VPS13B: variants seen among roughly 807,000 people sequenced by gnomAD.
VPS13B encodes vacuolar protein sorting 13 homolog B.
A neutral mutation model predicts 426.4 loss-of-function variants in VPS13B; 285 were observed. That is an observed-to-expected ratio of 0.67 (90% confidence interval 0.61 to 0.74). The LOEUF (loss-of-function observed/expected upper bound fraction) is 0.74, where lower values mean the gene tolerates loss of function less well. Ranked by LOEUF, VPS13B falls within the 30% of genes least tolerant of loss-of-function variation. VPS13B has a pLI of 0.00. For missense variants in VPS13B, 4,537 were observed against 4,782.6 expected (o/e 0.95, Z 1.51); for synonymous variants, 1,676 against 1,676.4 (o/e 1.00, Z 0.01).
In VPS13B at chr8:99,374,633, T is replaced by C. The variant is rs548559223; in HGVS notation, c.2825-9575T>C. Reference sequence around the variant, plus strand: ...TATATAAAGAGAATGGAGCCTATGATAAATAATGTTTATGTCCAAAAAAAT... The same window carrying C: ...TATATAAAGAGAATGGAGCCTATGACAAATAATGTTTATGTCCAAAAAAAT... On this transcript the variant is annotated intron_variant, in intron 19 of 61. Coordinates refer to ENST00000357162, the MANE Select transcript of VPS13B (RefSeq NM_152564.5). Among the ~76,000 whole-genome samples, 4 of 152,328 alleles carry C rather than the reference T, an allele frequency of 2.6e-5. No individual in the cohort carries two copies. In the East Asian group the frequency reaches 7.7e-4, roughly 29 times the overall value.
chr8:99,384,411 C>A, intron 20 of VPS13B, 94 bp downstream of exon 20: 3 of 1,028,176 alleles, frequency 2.9e-6, no homozygotes, highest in South Asian at 2.7e-5. Flanking sequence ...TCTTTTTTAA[C>A]AAATGTACTA....
Position 99,328,056 on chromosome 8 carries a change from G to T in VPS13B, c.2824+52802G>T, listed in dbSNP as rs528200777. Among the ~76,000 whole-genome samples the T allele has an allele frequency of 2.6e-4, 40 of 152,300 alleles. 1 individual carries two copies. In the East Asian group the frequency reaches 6.0e-3, roughly 23 times the overall value. On this transcript the variant is annotated intron_variant, in intron 19 of 61. Transcript: ENST00000357162. ...TATTAGGAACCAGGCTGCATAGCAG[G>T]TTAGTGGTGGGTTAGTGATCATTAC...
intron 21 of VPS13B, among the ~76,000 whole-genome samples, chr8:99,409,028 G>T (rs531579914): frequency 2.8e-4 from 42 of 152,266 alleles, no homozygotes; most frequent in African/African-American, 1.0e-3. Context: ...TTCATTTCTA[G>T]TTCTAGGAAA....
intron 19 of VPS13B, among the ~76,000 whole-genome samples, chr8:99,379,436 T>C (rs1364033462): frequency 1.3e-5 from 2 of 152,192 alleles, no homozygotes; most frequent in Non-Finnish European, 2.9e-5. Context: ...TCAGGAATTA[T>C]TTTGGTGTTT....
chr8:99,361,805 GATA>G (rs1221780161), intron 19 of VPS13B, among the ~76,000 whole-genome samples: 8 of 152,134 alleles, frequency 5.3e-5, no homozygotes, highest in East Asian at 1.9e-4. Flanking sequence ...TTTTATCTAA[GATA>G]ATGATGATTA....
intron 3 of VPS13B, among the ~76,000 whole-genome samples, chr8:99,087,449 G>T (rs1845884388): frequency 6.6e-6 from 1 of 151,942 alleles, no homozygotes. Context: ...CGCTTGGTAC[G>T]CTGCACCCAC....
intron 22 of VPS13B, among the ~76,000 whole-genome samples, chr8:99,437,107 A>G (rs1247147386): frequency 1.3e-5 from 2 of 152,184 alleles, no homozygotes; most frequent in African/African-American, 4.8e-5. Flanking sequence ...AGTTATCATC[A>G]GATAAAACAG....
chr8:99,192,910 A>G lies in VPS13B; in HGVS notation c.2368A>G (p.Ile790Val), dbSNP rs1238923035. The stretch of plus-strand genomic sequence containing the variant: ...ATCTCAGATTGCTATAACTGAAGGT[A>G]TATTTGAACTTCCAAATCTCACAAT... The part of the protein sequence containing the change: ...KRSQIAITEG[I>V]FELPNLTIQA... The change falls in exon 17 of 62, where the codon ATA (isoleucine) becomes GTA (valine). Residue 790 changes from isoleucine to valine, a missense_variant. By Grantham distance (29) the Ile-to-Val change is conservative (BLOSUM62 3). This residue lies in a region of VPS13B where 4,311 missense variants were observed against 4,474.3 expected (regional missense o/e 0.96). Coordinates refer to ENST00000357162, the MANE Select transcript of VPS13B (RefSeq NM_152564.5). 10 of 1,613,346 alleles carry G rather than the reference A, an allele frequency of 6.2e-6. No individual in the cohort carries two copies. Among genetic ancestry groups the G allele is most frequent in the Non-Finnish European group, 7.6e-6 (9 of 1,179,798 alleles).
chr8:99,350,284 G>A (rs775156956), intron 19 of VPS13B, among the ~76,000 whole-genome samples: 6 of 152,186 alleles, frequency 3.9e-5, no homozygotes, highest in African/African-American at 4.8e-5. Flanking sequence ...CTTGTGTTCC[G>A]TGTAAGGTTT....
intron 3 of VPS13B, among the ~76,000 whole-genome samples, chr8:99,072,621 G>A (rs1228375752): frequency 1.3e-5 from 2 of 152,100 alleles, no homozygotes; most frequent in Non-Finnish European, 2.9e-5. Flanking sequence ...GTGTATTTCT[G>A]TTTTTATTGT....
intron 2 of VPS13B, among the ~76,000 whole-genome samples, chr8:99,015,210 G>A (rs1841545687): frequency 6.9e-6 from 1 of 145,884 alleles, no homozygotes; most frequent in Non-Finnish European, 1.5e-5. Context: ...AAGTGTAACA[G>A]CTCAATTTTT....
At chr8:99,176,896 A>C (rs1179318799) in intron 16 of VPS13B, among the ~76,000 whole-genome samples, 1 of 152,222 alleles carries the variant, frequency 6.6e-6, no homozygotes, top group Non-Finnish European at 1.5e-5. Context: ...TGACAATTTT[A>C]GAAAGAGGTT....
intron 33 of VPS13B, among the ~76,000 whole-genome samples, chr8:99,626,689 T>G (rs1030030119): frequency 6.6e-6 from 1 of 152,198 alleles, no homozygotes; most frequent in African/African-American, 2.4e-5. Flanking sequence ...TTGGTGGGAA[T>G]GTAAATGCAT....
intron 3 of VPS13B, among the ~76,000 whole-genome samples, chr8:99,052,653 T>C (rs973748023): frequency 6.6e-6 from 1 of 150,822 alleles, no homozygotes; most frequent in Non-Finnish European, 1.5e-5. Context: ...CGTGAATCCA[T>C]CTGGTCCTGG....
At chr8:99,137,690 A>G (rs181339109) in intron 12 of VPS13B, among the ~76,000 whole-genome samples, 236 of 152,268 alleles carry the variant, frequency 1.5e-3, no homozygotes, top group African/African-American at 5.2e-3. Context: ...TTCATTGGTC[A>G]ATCCTTAATT....
Position 99,831,076 on chromosome 8 carries a change from C to CTTTT in VPS13B, c.9331-1282_9331-1279dup, listed in dbSNP as rs773817774. On this transcript the variant is annotated intron_variant, in intron 51 of 61. Transcript: ENST00000357162. ...CTTGCCCGGGAATTGGTGTTTTTTT[C>CTTTT]TTTTTTTTTTTTTTGAGATAGAGTC... 9.2e-5 allele frequency among the ~76,000 whole-genome samples: 11 copies of CTTTT among 120,080 alleles called. 1 individual carries two copies. In the South Asian group the frequency reaches 2.4e-3, roughly 26 times the overall value. The allele number at this position is 120,080 out of a possible 152,430, so 78.8% of individuals were successfully genotyped here. A position where few individuals can be genotyped will look rare whatever the true frequency, so the allele number is the denominator to read the frequency against.
chr8:99,141,878 A>AC (rs1810441440), intron 12 of VPS13B, among the ~76,000 whole-genome samples: 1 of 127,862 alleles, frequency 7.8e-6, no homozygotes, highest in Non-Finnish European at 1.7e-5. Flanking sequence ...CCCTGTCTCT[A>AC]CTAAAAAAAA....
At chr8:99,668,208 TA>T (rs1830562969) in intron 35 of VPS13B, among the ~76,000 whole-genome samples, 1 of 152,002 alleles carries the variant, frequency 6.6e-6, no homozygotes, top group South Asian at 2.1e-4. Flanking sequence ...GACCCTGAAT[TA>T]ACCAGGCATG....
chr8:99,275,027 C>A, intron 18 of VPS13B, 54 bp from the exon 19 acceptor site: 2 of 1,443,738 alleles, frequency 1.4e-6, no homozygotes, highest in Non-Finnish European at 1.9e-6. Context: ...ATCAAACATT[C>A]TCAAGTGACT....
Sources: gnomAD v4.1 joint callset for allele counts (sites outside exome capture counted in the v4.1 genomes callset) on GRCh38, gnomAD v4.1.1 for gene constraint, gnomAD v4.1.1 regional missense constraint, MANE v1.5 for transcripts, NCBI Gene and HGNC (gene_info 2026-07-23, HGNC 2026-07-21) for gene names.